BTK: variants seen among roughly 807,000 people sequenced by gnomAD.
BTK encodes tyrosine-protein kinase BTK.
BTK carries 5 observed loss-of-function variants against 57.4 expected under a neutral mutation model. The ratio of observed to expected loss-of-function variants is 0.09; its 90% confidence interval spans 0.05 to 0.18. The LOEUF is 0.18. BTK is among the 10% of genes least tolerant of loss of function. BTK has a pLI of 1.00. For synonymous variants in BTK, 154 were observed against 174.3 expected, an observed-to-expected ratio of 0.88 and a Z score of 0.92; for missense variants, 194 against 501.2, an observed-to-expected ratio of 0.39 and a Z score of 5.85.
chrX:101,374,480 G>A, intron 3 of BTK, 56 bp downstream of exon 3: 2 of 998,195 alleles, frequency 2.0e-6, no homozygotes, highest in Non-Finnish European at 2.9e-6. Context: ...GAATTTAAAT[G>A]TTGCAAATTT....
At chrX:101,352,899 C>CAAAAA in intron 18 of BTK, 2 of 169,931 alleles carry the variant, frequency 1.2e-5, no homozygotes, top group East Asian at 1.4e-4. Context: ...ACTGTGTCAC[C>CAAAAA]AAAAAAAAAA....
chrX:101,381,007 GAAAAAAAAAAA>G (rs782713123), intron 1 of BTK, among the ~76,000 whole-genome samples: 1 of 24,742 alleles, frequency 4.0e-5, no homozygotes, highest in Non-Finnish European at 7.9e-5. Context: ...ACTCGGTCGC[GAAAAAAAAAAA>G]AAAAAAAAAA....
At position 101,353,923 on chromosome X, in the gene BTK, G is replaced by A. The variant is rs1057521814; in HGVS notation, c.1697C>T (p.Pro566Leu). ...GAACTTGCTATACATCAGGACTTCC[G>A]GTGGGGACCACCGGACTGGAAATTT... ...GSKFPVRWSP[P>L]EVLMYSKFSS... Residue 566 changes from proline (P) to leucine (L), a missense_variant, in exon 17 of 19, where the codon CCG becomes CTG. By Grantham distance (98) the Pro-to-Leu change is moderately conservative (BLOSUM62 -3). Transcript: ENST00000308731. 8.3e-7 allele frequency: 1 copy of A among 1,211,555 alleles called. No homozygotes were observed. The highest frequency in any genetic ancestry group is 2.2e-5 in the Admixed American group (1 of 46,048).
At chrX:101,364,691 G>C (rs1446352572) in intron 5 of BTK, among the ~76,000 whole-genome samples, 1 of 110,401 alleles carries the variant, frequency 9.1e-6, no homozygotes, top group African/African-American at 3.3e-5. Flanking sequence ...AGGACAGAAT[G>C]GTGGGAGCTG....
At chrX:101,373,171 G>A (rs1423272469) in intron 3 of BTK, among the ~76,000 whole-genome samples, 1 of 111,188 alleles carries the variant, frequency 9.0e-6, no homozygotes, top group Non-Finnish European at 1.9e-5. Context: ...GCTTGTAGGT[G>A]TGTATGAAAT....
chrX:101,378,528 GACACACACACACACACAC>G (rs72139259), intron 1 of BTK, among the ~76,000 whole-genome samples: 1 of 95,364 alleles, frequency 1.0e-5, no homozygotes, highest in Non-Finnish European at 2.1e-5. Context: ...CAAACATACA[GACACACACACACACACAC>G]ACACACACAC....
chrX:101,375,309 T>C lies in BTK; in HGVS notation c.-25A>G, dbSNP rs782567584. The C allele has an allele frequency of 8.3e-7, 1 of 1,210,905 alleles. No individual in the cohort carries two copies. Among genetic ancestry groups the C allele is most frequent in the Non-Finnish European group, 1.1e-6 (1 of 895,076 alleles). Reference sequence around the variant, plus strand: ...TAGCTTCTTCTTTCTGGAGTTCACCTGTGTGCTGTTGATAATGAAAGTTCC... The same window carrying C: ...TAGCTTCTTCTTTCTGGAGTTCACCCGTGTGCTGTTGATAATGAAAGTTCC... On this transcript the variant is annotated 5_prime_UTR_variant, in exon 2 of 19. Coordinates refer to ENST00000308731, the MANE Select transcript of BTK (RefSeq NM_000061.3).
At chrX:101,390,020 G>A (rs1456772509), upstream of BTK, among the ~76,000 whole-genome samples, 1 of 111,546 alleles carries the variant, frequency 9.0e-6, no homozygotes, top group African/African-American at 3.3e-5. Flanking sequence ...AAAGGAACGC[G>A]GGCTCTAGAG....
rs886541097 is a variant in BTK at position 101,362,932 on chromosome X, A to G, written c.392-243T>C. The G allele has an allele frequency of 3.2e-5, 13 of 412,170 alleles. No individual in the cohort carries two copies. The Admixed American group carries it at 3.2e-4, about 10-fold the overall frequency. 34.0% of individuals were successfully genotyped at this position (412,170 alleles called of 1,213,427 possible). A position where few individuals can be genotyped will look rare whatever the true frequency, so the allele number is the denominator to read the frequency against. ...TGTGATGAGGAGTATCTCCCAATCA[A>G]CAAGATAAGACTATCTGATGGCTTG... On this transcript the variant is annotated intron_variant, in intron 5 of 18. Coordinates refer to ENST00000308731, the MANE Select transcript of BTK (RefSeq NM_000061.3).
intron 1 of BTK, among the ~76,000 whole-genome samples, chrX:101,384,417 G>A (rs1927547830): frequency 9.0e-6 from 1 of 111,380 alleles, no homozygotes; most frequent in African/African-American, 3.3e-5. Flanking sequence ...GACCAACATG[G>A]AGAAACCCCG....
intron 6 of BTK, 132 bp from the exon 7 acceptor site, chrX:101,362,372 G>C: frequency 1.0e-6 from 1 of 980,724 alleles, no homozygotes; most frequent in Non-Finnish European, 1.5e-6. Context: ...AGGCATGCCA[G>C]GTCACATAGC....
chrX:101,387,141 G>A (rs1233637858), upstream of BTK, among the ~76,000 whole-genome samples: 1 of 111,028 alleles, frequency 9.0e-6, no homozygotes, highest in South Asian at 3.8e-4. Context: ...AATTTCATCC[G>A]AAGTTTTAAG....
Position 101,371,623 on chromosome X carries a change from A to G in BTK, c.309+10T>C. On this transcript the variant is annotated intron_variant, in intron 4 of 18. Coordinates refer to ENST00000308731, the MANE Select transcript of BTK (RefSeq NM_000061.3). ...GGCCTTTCGAGATTTGGTGAGAGAA[A>G]ATAACTCACCTGGAAGGGATAAGGG... 8.3e-7 allele frequency: 1 copy of G among 1,206,145 alleles called. No homozygotes were observed. The highest frequency in any genetic ancestry group is 1.8e-5 in the South Asian group (1 of 56,886).
At position 101,353,188 on chromosome X, in the gene BTK, A is replaced by C; in HGVS notation, c.1908+6T>G. 1 of 1,209,279 alleles carries C rather than the reference A, an allele frequency of 8.3e-7. No individual in the cohort carries two copies. ...ATAATTTAAGAGATCCTAATAAAGC[A>C]CTTACCTCATGCCAGCAACTGTACA... On this transcript the variant is annotated splice_donor_region_variant and intron_variant, in intron 18 of 18. Coordinates refer to ENST00000308731, the MANE Select transcript of BTK (RefSeq NM_000061.3).
intron 4 of BTK, 87 bp downstream of exon 4, chrX:101,371,546 G>T: frequency 1.2e-6 from 1 of 820,902 alleles, no homozygotes; most frequent in Non-Finnish European, 1.9e-6. Context: ...CTGGGTCCTC[G>T]TAGCCTTCCC....
At chrX:101,382,903 AC>A (rs1927500347) in intron 1 of BTK, among the ~76,000 whole-genome samples, 1 of 111,270 alleles carries the variant, frequency 9.0e-6, no homozygotes, top group African/African-American at 3.3e-5. Context: ...AGTGGGGTGC[AC>A]CTGTAGTCCC....
chrX:101,374,445 A>G, intron 3 of BTK, 91 bp downstream of exon 3: 1 of 750,014 alleles, frequency 1.3e-6, no homozygotes, highest in Non-Finnish European at 2.1e-6. Context: ...TCCACGTTGC[A>G]CAGCATCACC....
chrX:101,368,670 T>C (rs1365636678), intron 5 of BTK, among the ~76,000 whole-genome samples: 2 of 112,517 alleles, frequency 1.8e-5, no homozygotes, highest in Non-Finnish European at 1.9e-5. Context: ...TTAGTTATCA[T>C]TGTTGTTGTT....
At chrX:101,365,052 G>A (rs782150019) in intron 5 of BTK, among the ~76,000 whole-genome samples, 18 of 111,394 alleles carry the variant, frequency 1.6e-4, no homozygotes, top group Non-Finnish European at 2.3e-4. Flanking sequence ...CCCCTAGAGG[G>A]AATTTTAAAA....
Sources: gnomAD v4.1 joint callset for allele counts (sites outside exome capture counted in the v4.1 genomes callset) on GRCh38, gnomAD v4.1.1 for gene constraint, MANE v1.5 for transcripts, NCBI Gene and HGNC (gene_info 2026-07-23, HGNC 2026-07-21) for gene names.